PARP4: variants seen among roughly 807,000 people sequenced by gnomAD.
PARP4 encodes poly(ADP-ribose) polymerase family member 4.
PARP4 carries 120 observed loss-of-function variants against 187.7 expected under a neutral mutation model. The observed-to-expected ratio is 0.64, with a 90% CI of 0.55 to 0.74. The LOEUF is 0.74. Among genes scored for constraint, PARP4 ranks in the 30% least tolerant of loss-of-function variants. The pLI is 0.00. For missense variants in PARP4, 1,836 were observed against 2,070.5 expected, an observed-to-expected ratio of 0.89 and a Z score of 2.20; for synonymous variants, 654 against 740.9, an observed-to-expected ratio of 0.88 and a Z score of 1.90.
At chr13:24,429,465 G>GT (rs1870224178) in intron 32 of PARP4, among the ~76,000 whole-genome samples, 1 of 152,200 alleles carries the variant, frequency 6.6e-6, no homozygotes, top group African/African-American at 2.4e-5. Flanking sequence ...AGAATGTTCA[G>GT]TTTTGTTCTG....
intron 11 of PARP4, 74 bp downstream of exon 11, chr13:24,486,094 T>C (rs535411149): frequency 1.2e-4 from 163 of 1,373,232 alleles, no homozygotes; most frequent in Non-Finnish European, 1.6e-4. Flanking sequence ...TAGAAAAAAG[T>C]AGGAAAAAAA....
chr13:24,512,050 T>G lies in PARP4; in HGVS notation c.-2+656A>C, dbSNP rs896002317. ...TTCCCCTTTATCATAGCACTATGCT[T>G]GGATATTGTCATATAATTGTTGTCA... On this transcript the variant is annotated intron_variant, in intron 1 of 33. Transcript: ENST00000381989. 2.0e-5 allele frequency among the ~76,000 whole-genome samples: 3 copies of G among 152,268 alleles called. No individual in the cohort carries two copies. In the East Asian group the frequency reaches 5.8e-4, roughly 29 times the overall value.
At chr13:24,440,872 T>C (rs1307863539) in intron 30 of PARP4, among the ~76,000 whole-genome samples, 1 of 152,166 alleles carries the variant, frequency 6.6e-6, no homozygotes, top group African/African-American at 2.4e-5. Flanking sequence ...ACATCTTTCG[T>C]ATATTATTTT....
chr13:24,477,290 A>G (rs11149109), intron 14 of PARP4, among the ~76,000 whole-genome samples: 77,202 of 151,724 alleles, frequency 0.51, 19,953 homozygotes, highest in South Asian at 0.64. Flanking sequence ...GGCCAGCCTA[A>G]GCAACATAGT....
At chr13:24,442,761 G>A (rs1243194072) in intron 28 of PARP4, 76 bp from the exon 29 acceptor site, 14 of 797,024 alleles carry the variant, frequency 1.8e-5, no homozygotes, top group Middle Eastern at 2.6e-4. Flanking sequence ...TTTAAGATTC[G>A]TATTTCAGAC....
chr13:24,466,118 A>G (rs1872454775), intron 17 of PARP4, among the ~76,000 whole-genome samples: 1 of 152,272 alleles, frequency 6.6e-6, no homozygotes, highest in Non-Finnish European at 1.5e-5. Context: ...GTAAATATAC[A>G]CATGTAATTA....
chr13:24,501,879 C>CA, intron 2 of PARP4, 45 bp from the exon 3 acceptor site: 1 of 1,067,558 alleles, frequency 9.4e-7, no homozygotes, highest in Non-Finnish European at 1.4e-6. Flanking sequence ...AGAAAAACAA[C>CA]ATTTAAATAA....
At chr13:24,442,320 TA>T (rs1870974944) in intron 29 of PARP4, among the ~76,000 whole-genome samples, 1 of 152,276 alleles carries the variant, frequency 6.6e-6, no homozygotes, top group South Asian at 2.1e-4. Flanking sequence ...AATTATAGTA[TA>T]ACCGAAAAGT....
At chr13:24,503,481 A>G (rs748515995) in intron 2 of PARP4, among the ~76,000 whole-genome samples, 164 bp downstream of exon 2, 3 of 152,200 alleles carry the variant, frequency 2.0e-5, no homozygotes, top group East Asian at 1.9e-4. Context: ...CTCTGCCTCT[A>G]GGAGCCCAGC....
chr13:24,445,027 C>T (rs1449879309), intron 27 of PARP4, among the ~76,000 whole-genome samples: 1 of 152,154 alleles, frequency 6.6e-6, no homozygotes, highest in African/African-American at 2.4e-5. Flanking sequence ...TTGCTCACCA[C>T]GTGTTTCTTC....
At chr13:24,462,979 A>G (rs7998198) in intron 17 of PARP4, among the ~76,000 whole-genome samples, 76,981 of 151,616 alleles carry the variant, frequency 0.51, 19,830 homozygotes, top group South Asian at 0.65. Flanking sequence ...AAATATTTCA[A>G]TAGATAAAGA....
chr13:24,482,311 A>G (rs1339625714), intron 12 of PARP4, among the ~76,000 whole-genome samples: 2 of 152,168 alleles, frequency 1.3e-5, no homozygotes, highest in African/African-American at 4.8e-5. Context: ...GATTTTGAAT[A>G]TCACATAAAC....
At chr13:24,451,516 G>C (rs1181950270) in intron 24 of PARP4, among the ~76,000 whole-genome samples, 6 of 152,178 alleles carry the variant, frequency 3.9e-5, no homozygotes, top group Non-Finnish European at 7.4e-5. Context: ...GGGCCACAGA[G>C]GGGCATTGGG....
At chr13:24,472,820 A>C in intron 15 of PARP4, among the ~76,000 whole-genome samples, 1 of 150,318 alleles carries the variant, frequency 6.7e-6, no homozygotes, top group Non-Finnish European at 1.5e-5. Flanking sequence ...TTGGTATTTA[A>C]TGCTCTTTCT....
At chr13:24,459,394 C>G in intron 18 of PARP4, 84 bp from the exon 19 acceptor site, 1 of 1,263,450 alleles carries the variant, frequency 7.9e-7, no homozygotes, top group Non-Finnish European at 1.1e-6. Context: ...CTTGGCAAGG[C>G]CACAACTGTC....
chr13:24,433,988 TTAGAG>T (rs777529702), intron 31 of PARP4, among the ~76,000 whole-genome samples: 333 of 152,322 alleles, frequency 2.2e-3, no homozygotes, highest in Admixed American at 3.6e-3. Context: ...GTGAAAATAT[TTAGAG>T]TACAGGTACA....
rs755420913 is a variant in PARP4, at chr13:24,441,827, T to C, written c.3666+19A>G. 3 of 1,566,264 alleles carry C rather than the reference T, an allele frequency of 1.9e-6. No individual in the cohort carries two copies. In the Admixed American group the frequency reaches 6.0e-5, roughly 32 times the overall value. ...AAAACGAAAGCTCAATATCAACTTA[T>C]TCGGTAATCAGCATTTACCTGGTTC... On this transcript the variant is annotated intron_variant, in intron 30 of 33. Coordinates refer to ENST00000381989, the MANE Select transcript of PARP4 (RefSeq NM_006437.4).
Position 24,460,148 on chromosome 13 carries a change from A to C in PARP4, c.2134-12T>G. 1 of 1,608,180 alleles carries C rather than the reference A, an allele frequency of 6.2e-7. No individual in the cohort carries two copies. Among genetic ancestry groups the C allele is most frequent in the Non-Finnish European group, 8.5e-7 (1 of 1,176,834 alleles). On this transcript the variant is annotated splice_polypyrimidine_tract_variant and intron_variant, in intron 17 of 33. Transcript: ENST00000381989. ...ACAGTAAAAACGTCCTGAAACAGAA[A>C]CATATGACTTAGCTTCCAACTTGAA...
intron 30 of PARP4, among the ~76,000 whole-genome samples, chr13:24,438,804 G>A (rs897778198): frequency 2.0e-5 from 3 of 152,184 alleles, no homozygotes; most frequent in African/African-American, 7.2e-5. Context: ...AAGCTTCAGC[G>A]AGTCGGGAAG....
Sources: allele counts gnomAD v4.1 joint callset (sites outside exome capture counted in the v4.1 genomes callset), GRCh38; gene constraint gnomAD v4.1.1; transcripts MANE v1.5; gene names NCBI Gene and HGNC (gene_info 2026-07-23, HGNC 2026-07-21).